The following TM2D2 variants were observed in gnomAD, a reference collection of about 807,000 sequenced individuals.
TM2D2 encodes the protein TM2 domain containing 2, also known as TM2 domain-containing protein 2.
Under a neutral mutation model 23.0 loss-of-function variants are expected in TM2D2, and 19 were observed. That is an observed-to-expected ratio of 0.82 (90% CI 0.58 to 1.21). TM2D2 has a LOEUF of 1.21. Ranked by LOEUF, TM2D2 falls within the 50% of genes most tolerant of loss-of-function variation. The probability of loss-of-function intolerance (pLI) is 0.00; values close to 1 mark genes in which losing one functional copy is unlikely to be tolerated. For synonymous variants in TM2D2, 120 were observed against 108.8 expected, an observed-to-expected ratio of 1.10 and a Z score of -0.64; for missense variants, 246 against 265.4, an observed-to-expected ratio of 0.93 and a Z score of 0.51.
rs998797793 is a variant in TM2D2, at chr8:38,995,825, T to A, written c.227+388A>T. The A allele has an allele frequency of 2.7e-5, 33 of 1,201,976 alleles. No homozygotes were observed. In the African/African-American group the frequency reaches 4.8e-4, roughly 17 times the overall value. The allele number at this position is 1,201,976 out of a possible 1,614,324, so 74.5% of individuals were successfully genotyped here. A position where few individuals can be genotyped will look rare whatever the true frequency, so the allele number is the denominator to read the frequency against. On this transcript the variant is annotated intron_variant, in intron 1 of 3. Transcript: ENST00000456397. ...ACGGTAAGAATATTGATTGCTTTTT[T>A]AAAAGATGCCTTGTAGGCAGAGACA...
At position 38,991,383 on chromosome 8, in the gene TM2D2, A is replaced by T; in HGVS notation, c.594T>A (p.Ile198=). The T allele has an allele frequency of 6.2e-7, 1 of 1,614,148 alleles. No homozygotes were observed. ...IWWFVDLILL[I]TGGLMPSDGS... is the part of the protein sequence containing the mutation. ...CATCACTTGGCATCAGCCCTCCAGTAATTAGCAAAATAAGGTCAACAAACC... is the reference window on the plus strand; with the variant it reads ...CATCACTTGGCATCAGCCCTCCAGTTATTAGCAAAATAAGGTCAACAAACC... The change falls in exon 4 of 4, where the codon ATT becomes ATA. Residue 198 remains isoleucine (I), a synonymous_variant. Transcript: ENST00000456397.
At chr8:38,996,981 G>A (rs1835829382), upstream of TM2D2, 7 of 1,535,752 alleles carry the variant, frequency 4.6e-6, no homozygotes, top group African/African-American at 4.1e-5. Context: ...CCAGACTTGG[G>A]GCCCCGGCAG....
At chr8:38,993,369 T>C (rs539976164) in intron 3 of TM2D2, among the ~76,000 whole-genome samples, 176 bp downstream of exon 3, 1 of 152,274 alleles carries the variant, frequency 6.6e-6, no homozygotes, top group East Asian at 1.9e-4. Flanking sequence ...GGCAGGAGGA[T>C]TGCTTCAGCT....
At position 38,996,276 on chromosome 8, in the gene TM2D2, G is replaced by A. The variant is rs1419346701; in HGVS notation, c.164C>T (p.Pro55Leu). The change falls in exon 1 of 4, where the codon CCC (proline) becomes CTC (leucine). Residue 55 changes from proline (P) to leucine (L), a missense_variant. Transcript: ENST00000456397. Reference protein sequence around the residue: ...TSAGAAQPEGPGGAASWEYGD... With the variant: ...TSAGAAQPEGLGGAASWEYGD... Reference sequence around the variant, plus strand: ...ATATTCCCAGCTCGCAGCACCCCCGGGGCCCTCCGGCTGGGCGGCGCCAGC... The same window carrying A: ...ATATTCCCAGCTCGCAGCACCCCCGAGGCCCTCCGGCTGGGCGGCGCCAGC... 3.7e-6 allele frequency: 6 copies of A among 1,614,030 alleles called. No homozygotes were observed. The South Asian group carries it at 6.6e-5, about 18-fold the overall frequency.
rs1564192739 is a variant in TM2D2, at chr8:38,992,809, A to G, written c.431+736T>C. On this transcript the variant is annotated intron_variant, in intron 3 of 3. Coordinates refer to ENST00000456397, the MANE Select transcript of TM2D2 (RefSeq NM_078473.3). ...TTAAATGAACACTTGATCTCCATAC[A>G]CTCTTTCCTGTTGTTTTGAGCAGCG... Among the ~76,000 whole-genome samples the G allele has an allele frequency of 2.0e-5, 3 of 151,880 alleles. No homozygotes were observed. The South Asian group carries it at 6.2e-4, about 32-fold the overall frequency.
chr8:38,991,628 T>C, intron 3 of TM2D2, 83 bp from the exon 4 acceptor site: 1 of 1,066,058 alleles, frequency 9.4e-7, no homozygotes. Context: ...ACGTAAGTGA[T>C]GAGACAGTGC....
At position 38,991,074 on chromosome 8, in the gene TM2D2, A is replaced by G. The variant is rs1015041719; in HGVS notation, c.*258T>C. Reference sequence around the variant, plus strand: ...CCCATCCACAGCTTGTAAACTCGCCACTATCCTTTATGTTTTGTGCATGAG... The same window carrying G: ...CCCATCCACAGCTTGTAAACTCGCCGCTATCCTTTATGTTTTGTGCATGAG... On this transcript the variant is annotated 3_prime_UTR_variant, in exon 4 of 4. Transcript: ENST00000456397. The G allele has an allele frequency of 5.5e-5, 29 of 525,878 alleles. 1 individual carries two copies. The highest frequency in any genetic ancestry group is 3.2e-4 in the South Asian group (15 of 46,970). The allele number at this position is 525,878 out of a possible 1,614,324, so 32.6% of individuals were successfully genotyped here. A position where few individuals can be genotyped will look rare whatever the true frequency, so the allele number is the denominator to read the frequency against.
chr8:38,996,856 A>C (rs1422967183), upstream of TM2D2: 1 of 1,447,872 alleles, frequency 6.9e-7, no homozygotes, highest in Non-Finnish European at 9.1e-7. Context: ...ATTTTTCCCT[A>C]CGTCAGCGCA....
Position 38,990,300 on chromosome 8 carries a change from A to C in TM2D2, c.*1032T>G, listed in dbSNP as rs1835565713. The C allele has an allele frequency of 6.6e-6, 1 of 152,238 alleles. No homozygotes were observed. The highest frequency in any genetic ancestry group is 2.4e-5 in the African/African-American group (1 of 41,458). 9.4% of individuals were successfully genotyped at this position (152,238 alleles called of 1,614,324 possible). On this transcript the variant is annotated 3_prime_UTR_variant, in exon 4 of 4. Coordinates refer to ENST00000456397, the MANE Select transcript of TM2D2 (RefSeq NM_078473.3). ...AGAATTTGTAAGTTATTCTGAGTAAAGCCTCTTCCATTGACTTGGCCACAT... is the reference window on the plus strand; with the variant it reads ...AGAATTTGTAAGTTATTCTGAGTAACGCCTCTTCCATTGACTTGGCCACAT...
chr8:38,996,832 G>C (rs1487706134), upstream of TM2D2: 5 of 1,439,792 alleles, frequency 3.5e-6, no homozygotes, highest in Non-Finnish European at 4.5e-6. Context: ...TCCTATTCTC[G>C]CGCCGGGGAC....
At chr8:38,993,387 T>C (rs922749309) in intron 3 of TM2D2, among the ~76,000 whole-genome samples, 158 bp downstream of exon 3, 5 of 152,070 alleles carry the variant, frequency 3.3e-5, no homozygotes, top group Non-Finnish European at 5.9e-5. Flanking sequence ...GCTCAGGAGG[T>C]CCAGGCTGCG....
At position 38,991,212 on chromosome 8, in the gene TM2D2, C is replaced by T. The variant is rs904108619; in HGVS notation, c.*120G>A. 1.2e-6 allele frequency: 1 copy of T among 864,408 alleles called. No homozygotes were observed. The highest frequency in any genetic ancestry group is 1.8e-6 in the Non-Finnish European group (1 of 559,482). 53.5% of individuals were successfully genotyped at this position (864,408 alleles called of 1,614,324 possible). A position where few individuals can be genotyped will look rare whatever the true frequency, so the allele number is the denominator to read the frequency against. ...AGAAGCCTTCTTAACCAAACAAATG[C>T]CCTCCAAAAGAAGGAAAATAACATC... On this transcript the variant is annotated 3_prime_UTR_variant, in exon 4 of 4. Transcript: ENST00000456397.
Position 38,996,390 on chromosome 8 carries a change from G to A in TM2D2, c.50C>T (p.Ala17Val), listed in dbSNP as rs199570037. The change falls in exon 1 of 4, where the codon GCG (alanine) becomes GTG (valine). Residue 17 changes from alanine (A) to valine (V), a missense_variant. Physicochemically the swap from Ala to Val is moderately conservative, Grantham distance 64. This residue lies in a region of TM2D2 where 212 missense variants were observed against 202.2 expected (regional missense o/e 1.05). Transcript: ENST00000456397. Reference protein sequence around the residue: ...PVSYLLLCGQAALLLGNLLLL... With the variant: ...PVSYLLLCGQVALLLGNLLLL... ...AAGTAAATTCCCCAGCAGCAAAGCC[G>A]CCTGGCCGCACAGAAGTAAGTAACT... 8 of 1,614,204 alleles carry A rather than the reference G, an allele frequency of 5.0e-6. No individual in the cohort carries two copies. In the African/African-American group the frequency reaches 5.3e-5, roughly 11 times the overall value.
In TM2D2 at chr8:38,995,324, A is replaced by G; in HGVS notation, c.309T>C (p.Cys103=). 6.3e-7 allele frequency: 1 copy of G among 1,590,080 alleles called. No individual in the cohort carries two copies. Among genetic ancestry groups the G allele is most frequent in the Non-Finnish European group, 8.5e-7 (1 of 1,171,696 alleles). Residue 103 remains cysteine (C), a synonymous_variant, in exon 2 of 4, where the codon TGT becomes TGC. Transcript: ENST00000456397. ...ATASQELGYG[C]LKFGGQAYSD... is the part of the protein sequence containing the mutation. Reference sequence around the variant, plus strand: ...CGACAAAACAAAAACTCACCTTGAGACAACCATAACCAAGTTCCTGGGATG... The same window carrying G: ...CGACAAAACAAAAACTCACCTTGAGGCAACCATAACCAAGTTCCTGGGATG...
chr8:38,994,994 C>A (rs566499516), intron 2 of TM2D2: 5 of 236,454 alleles, frequency 2.1e-5, no homozygotes, highest in Non-Finnish European at 3.3e-5. Context: ...GCACAGACTT[C>A]CTTTTGCTCT....
chr8:38,991,635 G>C (rs988276189), intron 3 of TM2D2, 90 bp from the exon 4 acceptor site: 56 of 958,456 alleles, frequency 5.8e-5, no homozygotes, highest in Non-Finnish European at 8.8e-5. Flanking sequence ...TGATGAGACA[G>C]TGCAGTGGAC....
chr8:38,996,787 C>T (rs1450391339), upstream of TM2D2: 4 of 1,421,536 alleles, frequency 2.8e-6, no homozygotes, highest in South Asian at 3.0e-5. Context: ...GACTGGCGGG[C>T]CGACTAGTGC....
At chr8:38,996,852 C>G, upstream of TM2D2, 1 of 1,452,734 alleles carries the variant, frequency 6.9e-7, no homozygotes. Flanking sequence ...CTGGATTTTT[C>G]CCTACGTCAG....
chr8:38,991,328 C>G lies in TM2D2; in HGVS notation c.*4G>C. 6.2e-7 allele frequency: 1 copy of G among 1,613,404 alleles called. No individual in the cohort carries two copies. The highest frequency in any genetic ancestry group is 8.5e-7 in the Non-Finnish European group (1 of 1,179,566). ...GCCTCCCTGGGCCATGATGGCAGCT[C>G]TTCTTAGTAAACAGTGCACCAGTTG... On this transcript the variant is annotated 3_prime_UTR_variant, in exon 4 of 4. Transcript: ENST00000456397.
Sources: gnomAD v4.1 joint callset for allele counts (sites outside exome capture counted in the v4.1 genomes callset) on GRCh38, gnomAD v4.1.1 for gene constraint, gnomAD v4.1.1 regional missense constraint, MANE v1.5 for transcripts, NCBI Gene and HGNC (gene_info 2026-07-23, HGNC 2026-07-21) for gene names.